Variants in ICAM2 observed in about 807,000 individuals in gnomAD.
The protein encoded by ICAM2 is ICAM-2.
ICAM2 carries 14 observed loss-of-function variants against 19.1 expected under a neutral mutation model. That is an observed-to-expected ratio of 0.73 (90% CI 0.48 to 1.15). The LOEUF is 1.15. Among genes scored for constraint, ICAM2 ranks in the 50% most tolerant of loss-of-function variants. The pLI is 0.00. For missense variants in ICAM2, 311 were observed against 355.4 expected (o/e 0.88, Z 1.00); for synonymous variants, 153 against 152.7 (o/e 1.00, Z -0.01).
chr17:64,006,988 C>T (rs1244013261), intron 1 of ICAM2: 10 of 437,352 alleles, frequency 2.3e-5, no homozygotes, highest in Non-Finnish European at 3.3e-5. Context: ...TGCACGCATG[C>T]GTGTATGAGA....
At position 64,002,633 on chromosome 17, in the gene ICAM2, G is replaced by A. The variant is rs756329930; in HGVS notation, c.*114C>T. On this transcript the variant is annotated 3_prime_UTR_variant, in exon 5 of 5. Transcript: ENST00000579788. ...TTGTATTCGGGCTAGAAAAGGCAATGTCCCAAGTCTCTGCTGCCTGTCACA... is the reference window on the plus strand; with the variant it reads ...TTGTATTCGGGCTAGAAAAGGCAATATCCCAAGTCTCTGCTGCCTGTCACA... 117 of 931,226 alleles carry A rather than the reference G, an allele frequency of 1.3e-4. No homozygotes were observed. Among genetic ancestry groups the A allele is most frequent in the Admixed American group, 1.1e-3 (45 of 41,752 alleles). The allele number at this position is 931,226 out of a possible 1,614,324, so 57.7% of individuals were successfully genotyped here.
intron 1 of ICAM2, among the ~76,000 whole-genome samples, chr17:64,015,741 A>C (rs1468277197): frequency 6.6e-6 from 1 of 152,248 alleles, no homozygotes; most frequent in East Asian, 1.9e-4. Context: ...CCATGTCTCC[A>C]AGAAAAAAAT....
Position 64,003,852 on chromosome 17 carries a change from G to T in ICAM2, c.441C>A (p.Leu147=). ...GAGTCTCATTGCCACGGAACAGGAA[G>T]AGGGTGAGGCTGTCCAGGGGCTCCA... ...PTVEPLDSLT[L]FLFRGNETLH... The change falls in exon 4 of 5, where the codon CTC becomes CTA. Residue 147 remains leucine, a synonymous_variant. Coordinates refer to ENST00000579788, the MANE Select transcript of ICAM2 (RefSeq NM_001099789.2). 1.2e-6 allele frequency: 2 copies of T among 1,614,246 alleles called. No homozygotes were observed. The highest frequency in any genetic ancestry group is 1.7e-6 in the Non-Finnish European group (2 of 1,180,036).
chr17:64,002,828 G>GCC lies in ICAM2; in HGVS notation c.745_746dup (p.Gln250AlafsTer45). On this transcript the variant is annotated frameshift_variant, in exon 5 of 5. Coordinates refer to ENST00000579788, the MANE Select transcript of ICAM2 (RefSeq NM_001099789.2). LOFTEE classifies it low-confidence loss of function (END_TRUNC). ...CCATCCGCTGCTGGCGCAAGTGCTG[G>GCC]CCGAAGATGAAGCAGAGCAGGACAG... is the stretch of plus-strand genomic sequence containing the variant. 1.2e-6 allele frequency: 2 copies of GCC among 1,613,944 alleles called. No individual in the cohort carries two copies. The highest frequency in any genetic ancestry group is 1.7e-6 in the Non-Finnish European group (2 of 1,179,988).
chr17:64,018,868 T>C (rs890690791), intron 1 of ICAM2, among the ~76,000 whole-genome samples: 2 of 152,012 alleles, frequency 1.3e-5, no homozygotes, highest in African/African-American at 4.8e-5. Context: ...ACTACAGGCG[T>C]ACGCCACCAC....
intron 4 of ICAM2, 106 bp from the exon 5 acceptor site, chr17:64,003,031 C>T (rs891758621): frequency 1.3e-5 from 12 of 901,508 alleles, no homozygotes; most frequent in African/African-American, 3.3e-5. Context: ...GACCCCGCCG[C>T]CCGCTCATGC....
intron 1 of ICAM2, among the ~76,000 whole-genome samples, chr17:64,013,072 G>T (rs961722609): frequency 6.6e-6 from 1 of 152,154 alleles, no homozygotes; most frequent in Non-Finnish European, 1.5e-5. Context: ...CAGCACTTTG[G>T]GAGGCTGGGG....
At chr17:64,004,034 G>A in intron 3 of ICAM2, 70 bp from the exon 4 acceptor site, 1 of 1,201,542 alleles carries the variant, frequency 8.3e-7, no homozygotes. Context: ...CCCTGGCCAG[G>A]GCCATCTCCT....
At chr17:64,013,239 G>A (rs574416314) in intron 1 of ICAM2, among the ~76,000 whole-genome samples, 11 of 152,338 alleles carry the variant, frequency 7.2e-5, no homozygotes, top group Admixed American at 2.0e-4. Context: ...CTGAACATGG[G>A]AGGCAGAGCT....
chr17:64,007,014 G>A (rs1911246222), intron 1 of ICAM2: 2 of 317,970 alleles, frequency 6.3e-6, no homozygotes, highest in East Asian at 6.2e-5. Context: ...GCACAGGGGA[G>A]AGTCAGGCCT....
At position 64,006,702 on chromosome 17, in the gene ICAM2, C is replaced by T. The variant is rs1049256468; in HGVS notation, c.-11G>A. On this transcript the variant is annotated 5_prime_UTR_variant, in exon 2 of 5. Coordinates refer to ENST00000579788, the MANE Select transcript of ICAM2 (RefSeq NM_001099789.2). ...ACCGAAAGAGGACATCTCTGGCAGT[C>T]TCCACGGGCTCGCAGGGACCAGCCA... 9.3e-6 allele frequency: 15 copies of T among 1,613,998 alleles called. No individual in the cohort carries two copies. The highest frequency in any genetic ancestry group is 1.1e-5 in the Non-Finnish European group (13 of 1,179,872).
At position 64,003,751 on chromosome 17, in the gene ICAM2, C is replaced by T. The variant is rs76214609; in HGVS notation, c.542G>A (p.Arg181Lys). 61 of 1,614,264 alleles carry T rather than the reference C, an allele frequency of 3.8e-5. No individual in the cohort carries two copies. In the East Asian group the frequency reaches 5.6e-4, roughly 15 times the overall value. Reference protein sequence around the residue: ...ATATFNSTADREDGHRNFSCL... With the variant: ...ATATFNSTADKEDGHRNFSCL... ...GGAGAAGTTGCGGTGGCCATCCTCT[C>T]TGTCAGCCGTGCTGTTGAATGTGGC... The change falls in exon 4 of 5, where the codon AGA becomes AAA. Residue 181 changes from arginine (R) to lysine (K), a missense_variant. Arg to Lys is a conservative substitution (Grantham distance 26). Transcript: ENST00000579788.
intron 1 of ICAM2, among the ~76,000 whole-genome samples, chr17:64,010,415 A>C (rs1911402986): frequency 6.6e-6 from 1 of 152,100 alleles, no homozygotes; most frequent in Non-Finnish European, 1.5e-5. Context: ...AACGTGAGAG[A>C]ATTTTTGAGG....
At chr17:64,004,998 G>A in intron 3 of ICAM2, 109 bp downstream of exon 3, 1 of 1,287,284 alleles carries the variant, frequency 7.8e-7, no homozygotes, top group Non-Finnish European at 1.1e-6. Flanking sequence ...GGGAGGCAGG[G>A]CCCCACGATG....
At chr17:64,015,034 A>G (rs1342510193) in intron 1 of ICAM2, among the ~76,000 whole-genome samples, 4 of 152,202 alleles carry the variant, frequency 2.6e-5, no homozygotes, top group African/African-American at 9.6e-5. Flanking sequence ...TAGGAATGTA[A>G]ATGGAAACGT....
In ICAM2 at chr17:64,011,188, C is replaced by T. The variant is rs1218652037; in HGVS notation, c.-44-4453G>A. Among the ~76,000 whole-genome samples the T allele has an allele frequency of 5.3e-5, 8 of 152,130 alleles. No homozygotes were observed. The East Asian group carries it at 1.2e-3, about 22-fold the overall frequency. ...AAAGAAGACATACAAATGGGCCAGG[C>T]GTGGTGGCTTACACCCATAATCCCA... On this transcript the variant is annotated intron_variant, in intron 1 of 4. Transcript: ENST00000579788.
intron 3 of ICAM2, chr17:64,004,435 C>T (rs1911063025): frequency 5.9e-6 from 1 of 170,870 alleles, no homozygotes; most frequent in African/African-American, 2.4e-5. Flanking sequence ...CCATGGCCAC[C>T]ACGATTCCTC....
chr17:64,018,149 T>G (rs796093862), intron 1 of ICAM2, among the ~76,000 whole-genome samples: 16 of 151,914 alleles, frequency 1.1e-4, no homozygotes, highest in African/African-American at 3.9e-4. Context: ...CTGGCCAACA[T>G]GGTGAAACCC....
chr17:64,011,956 A>G (rs552983485), intron 1 of ICAM2, among the ~76,000 whole-genome samples: 1 of 152,230 alleles, frequency 6.6e-6, no homozygotes, highest in Non-Finnish European at 1.5e-5. Flanking sequence ...TCAAAGAGAT[A>G]TCTGCACTCC....
Sources: allele counts gnomAD v4.1 joint callset (sites outside exome capture counted in the v4.1 genomes callset), GRCh38; gene constraint gnomAD v4.1.1; transcripts MANE v1.5; gene names NCBI Gene and HGNC (gene_info 2026-07-23, HGNC 2026-07-21).